Variants in IGSF9B observed in about 807,000 individuals in gnomAD.
IGSF9B encodes immunoglobulin superfamily member 9B.
A neutral mutation model predicts 143.7 loss-of-function variants in IGSF9B; 48 were observed. That is an observed-to-expected ratio of 0.33 (90% CI 0.26 to 0.42). The LOEUF is 0.42. IGSF9B is among the 20% of genes least tolerant of loss of function. IGSF9B has a pLI of 1.00. For synonymous variants in IGSF9B, 903 were observed against 833.1 expected (o/e 1.08, Z -1.44); for missense variants, 1,706 against 1,980.0 (o/e 0.86, Z 2.63).
Position 133,925,724 on chromosome 11 carries a change from G to T in IGSF9B, c.2034+15C>A, listed in dbSNP as rs1591714656. ...GGATTTGGGAAGCAGCAGCAAGGAA[G>T]AGCAAAGCCCTCACCTGTGACAGAT... On this transcript the variant is annotated intron_variant, in intron 14 of 19. Transcript: ENST00000533871. 6 of 1,606,272 alleles carry T rather than the reference G, an allele frequency of 3.7e-6. No individual in the cohort carries two copies. The East Asian group carries it at 1.3e-4, about 36-fold the overall frequency.
chr11:133,896,556 G>A lies in IGSF9B; in HGVS notation c.*12513C>T, dbSNP rs144345772. On this transcript the variant is annotated 3_prime_UTR_variant, in exon 20 of 20. Coordinates refer to ENST00000533871, the MANE Select transcript of IGSF9B (RefSeq NM_001277285.4). ...CATCAGTTTAACTTGCAACACTCCC[G>A]GGGTACCTGCACTGGCTGCACATCT... The A allele has an allele frequency of 3.3e-5, 5 of 152,276 alleles. No homozygotes were observed. Among genetic ancestry groups the A allele is most frequent in the South Asian group, 4.1e-4 (2 of 4,826 alleles). 9.4% of individuals were successfully genotyped at this position (152,276 alleles called of 1,614,324 possible).
Position 133,922,828 on chromosome 11 carries a change from AACAG to A in IGSF9B, c.2120-102_2120-99del, listed in dbSNP as rs1303633558. 2.6e-5 allele frequency: 31 copies of A among 1,201,678 alleles called. No individual in the cohort carries two copies. The East Asian group carries it at 4.4e-4, about 17-fold the overall frequency. 74.4% of individuals were successfully genotyped at this position (1,201,678 alleles called of 1,614,324 possible). ...CAAGTGTTTCACCCTGCCTTTGTAG[AACAG>A]ACAGTGTCAAGGCTCGGGCTCCAAG... On this transcript the variant is annotated intron_variant, in intron 15 of 19. Transcript: ENST00000533871.
intron 15 of IGSF9B, among the ~76,000 whole-genome samples, chr11:133,922,945 G>A (rs982075974): frequency 2.0e-5 from 3 of 152,232 alleles, no homozygotes; most frequent in African/African-American, 7.2e-5. Flanking sequence ...TCCAAAGGGT[G>A]TAAAGAAGAA....
At position 133,899,198 on chromosome 11, in the gene IGSF9B, A is replaced by G. The variant is rs1461084880; in HGVS notation, c.*9871T>C. On this transcript the variant is annotated 3_prime_UTR_variant, in exon 20 of 20. Coordinates refer to ENST00000533871, the MANE Select transcript of IGSF9B (RefSeq NM_001277285.4). ...AAGGAACGTGTCCCAAGCATGGGGA[A>G]GAGCTCAGGCTCCTGGCAGTGGCTG... is the stretch of plus-strand genomic sequence containing the variant. The G allele has an allele frequency of 6.6e-6, 1 of 152,296 alleles. No individual in the cohort carries two copies. The highest frequency in any genetic ancestry group is 1.5e-5 in the Non-Finnish European group (1 of 68,056). The allele number at this position is 152,296 out of a possible 1,614,324, so 9.4% of individuals were successfully genotyped here. A position where few individuals can be genotyped will look rare whatever the true frequency, so the allele number is the denominator to read the frequency against.
At position 133,906,317 on chromosome 11, in the gene IGSF9B, C is replaced by T. The variant is rs1360524123; in HGVS notation, c.*2752G>A. On this transcript the variant is annotated 3_prime_UTR_variant, in exon 20 of 20. Transcript: ENST00000533871. ...CACCCTCTATCCACGGAGGGAACTG[C>T]GTTCCACCAATCCCATCGCCGTCCA... Among the ~76,000 whole-genome samples, 3 of 152,224 alleles carry T rather than the reference C, an allele frequency of 2.0e-5. No homozygotes were observed. Among genetic ancestry groups the T allele is most frequent in the Admixed American group, 1.3e-4 (2 of 15,290 alleles).
chr11:133,924,029 C>T (rs1316719770), intron 15 of IGSF9B, among the ~76,000 whole-genome samples: 1 of 152,200 alleles, frequency 6.6e-6, no homozygotes, highest in East Asian at 1.9e-4. Flanking sequence ...ACACCTGCCC[C>T]TGCTCTCGTG....
In IGSF9B at chr11:133,902,481, A is replaced by AAC. The variant is rs955882153; in HGVS notation, c.*6586_*6587dup. 2.9e-4 allele frequency among the ~76,000 whole-genome samples: 19 copies of AAC among 65,464 alleles called. No individual in the cohort carries two copies. Among genetic ancestry groups the AAC allele is most frequent in the East Asian group, 7.3e-4 (1 of 1,372 alleles). The allele number at this position is 65,464 out of a possible 152,430, so 42.9% of individuals were successfully genotyped here. On this transcript the variant is annotated 3_prime_UTR_variant, in exon 20 of 20. Transcript: ENST00000533871. ...ACACACAGATACACACACCACACAC[A>AAC]ACACACACACACACCAGACATGCAC...
chr11:133,931,444 C>T lies in IGSF9B; in HGVS notation c.1368+9G>A. 6.3e-7 allele frequency: 1 copy of T among 1,598,686 alleles called. No homozygotes were observed. The highest frequency in any genetic ancestry group is 8.6e-7 in the Non-Finnish European group (1 of 1,167,120). On this transcript the variant is annotated intron_variant, in intron 10 of 19. Coordinates refer to ENST00000533871, the MANE Select transcript of IGSF9B (RefSeq NM_001277285.4). This position sits in a 1 kb window ranked among gnomAD's most constrained non-coding sequence, Gnocchi z 7.7. ...TCCCTGCAGACCCAGGGCTCCAGGG[C>T]CCAGGTACCTTTCTCCAAGTGATGA...
intron 19 of IGSF9B, among the ~76,000 whole-genome samples, chr11:133,911,680 T>G (rs1263559668): frequency 6.6e-6 from 1 of 152,186 alleles, no homozygotes. Context: ...GTTTTGTATA[T>G]GAAAATTATG....
At chr11:133,911,680 T>A (rs1263559668) in intron 19 of IGSF9B, among the ~76,000 whole-genome samples, 1 of 152,186 alleles carries the variant, frequency 6.6e-6, no homozygotes, top group East Asian at 1.9e-4. Flanking sequence ...GTTTTGTATA[T>A]GAAAATTATG....
chr11:133,899,041 C>T lies in IGSF9B; in HGVS notation c.*10028G>A, dbSNP rs1220710122. ...GATCCATGGGAGAGTGATTCTCACACATCTCCCTATTCCCGACTCTTGCTC... is the reference window on the plus strand; with the variant it reads ...GATCCATGGGAGAGTGATTCTCACATATCTCCCTATTCCCGACTCTTGCTC... On this transcript the variant is annotated 3_prime_UTR_variant, in exon 20 of 20. Transcript: ENST00000533871. The T allele has an allele frequency of 6.6e-6, 1 of 152,258 alleles. No homozygotes were observed. The highest frequency in any genetic ancestry group is 1.5e-5 in the Non-Finnish European group (1 of 68,062). 9.4% of individuals were successfully genotyped at this position (152,258 alleles called of 1,614,324 possible). A position where few individuals can be genotyped will look rare whatever the true frequency, so the allele number is the denominator to read the frequency against.
intron 1 of IGSF9B, among the ~76,000 whole-genome samples, chr11:133,949,523 GA>G (rs1452906086): frequency 1.3e-5 from 2 of 152,162 alleles, no homozygotes; most frequent in African/African-American, 4.8e-5. Context: ...AATACAGGGG[GA>G]AACCAAACCC....
Position 133,913,916 on chromosome 11 carries a change from A to G in IGSF9B, c.3984-1909T>C, listed in dbSNP as rs1939338763. ...GCCGGCCTCTTCAGGAGGACCACAC[A>G]GGGTGAGCGACGTGTGGTCAGGGAG... On this transcript the variant is annotated intron_variant, in intron 18 of 19. Transcript: ENST00000533871. The surrounding 1 kb of genome is among the most constrained non-coding windows in gnomAD (Gnocchi z 4.6). 6.6e-6 allele frequency among the ~76,000 whole-genome samples: 1 copy of G among 152,174 alleles called. No individual in the cohort carries two copies. The highest frequency in any genetic ancestry group is 2.4e-5 in the African/African-American group (1 of 41,444).
chr11:133,927,190 TG>T (rs1939643848), intron 12 of IGSF9B, 99 bp from the exon 13 acceptor site: 2 of 971,098 alleles, frequency 2.1e-6, no homozygotes, highest in Non-Finnish European at 3.1e-6. Context: ...AAGGCACTGG[TG>T]GGCCTGGCGT....
Position 133,931,574 on chromosome 11 carries a change from G to A in IGSF9B, c.1252-5C>T. ...CACCGTGAAATAGGGGGGGTCCTGGGGAGGAAAGCACAGGCACCCTCGTGA... is the reference window on the plus strand; with the variant it reads ...CACCGTGAAATAGGGGGGGTCCTGGAGAGGAAAGCACAGGCACCCTCGTGA... On this transcript the variant is annotated splice_polypyrimidine_tract_variant and splice_region_variant and intron_variant, in intron 9 of 19. Transcript: ENST00000533871. The surrounding 1 kb of genome is among the most constrained non-coding windows in gnomAD (Gnocchi z 7.7). 1.2e-6 allele frequency: 2 copies of A among 1,613,140 alleles called. No homozygotes were observed. The highest frequency in any genetic ancestry group is 1.7e-6 in the Non-Finnish European group (2 of 1,179,676).
At chr11:133,918,607 C>T (rs1486484100) in intron 18 of IGSF9B, among the ~76,000 whole-genome samples, 2 of 148,862 alleles carry the variant, frequency 1.3e-5, no homozygotes, top group Non-Finnish European at 3.0e-5. Flanking sequence ...GAGCAGCCCG[C>T]GGTGGGGCTG....
Position 133,929,734 on chromosome 11 carries a change from G to A in IGSF9B, c.1568C>T (p.Thr523Ile), listed in dbSNP as rs1366400719. Residue 523 changes from threonine (T) to isoleucine (I), a missense_variant, in exon 12 of 20, where the codon ACA becomes ATA. This residue lies in a region of IGSF9B where 267 missense variants were observed against 321.1 expected (regional missense o/e 0.83). Transcript: ENST00000533871. ...TGGTTCCCAGGACACGTTGGCAGTT[G>A]TCATGGAGACCTGGACCCGGACACT... is the stretch of plus-strand genomic sequence containing the variant. Reference protein sequence around the residue: ...PGSVRVQVSMTTANVSWEPGY... With the variant: ...PGSVRVQVSMITANVSWEPGY... 6.2e-7 allele frequency: 1 copy of A among 1,613,986 alleles called. No individual in the cohort carries two copies. Among genetic ancestry groups the A allele is most frequent in the Non-Finnish European group, 8.5e-7 (1 of 1,179,874 alleles).
In IGSF9B at chr11:133,908,998, A is replaced by AC; in HGVS notation, c.*70dup. ...GCCCTTGGCAGACGGAGGAGGACAC[A>AC]CCCCCACACAGTGGCCCTCCCTGCC... On this transcript the variant is annotated 3_prime_UTR_variant, in exon 20 of 20. Coordinates refer to ENST00000533871, the MANE Select transcript of IGSF9B (RefSeq NM_001277285.4). 1 of 1,303,228 alleles carries AC rather than the reference A, an allele frequency of 7.7e-7. No individual in the cohort carries two copies. The highest frequency in any genetic ancestry group is 1.5e-5 in the African/African-American group (1 of 68,102). 80.7% of individuals were successfully genotyped at this position (1,303,228 alleles called of 1,614,324 possible).
chr11:133,948,049 ATGTGTGCGTG>A lies in IGSF9B; in HGVS notation c.65-1801_65-1792del, dbSNP rs1383980649. Among the ~76,000 whole-genome samples the A allele has an allele frequency of 1.8e-5, 2 of 113,596 alleles. No individual in the cohort carries two copies. The highest frequency in any genetic ancestry group is 3.4e-5 in the Non-Finnish European group (2 of 58,456). The allele number at this position is 113,596 out of a possible 152,430, so 74.5% of individuals were successfully genotyped here. A position where few individuals can be genotyped will look rare whatever the true frequency, so the allele number is the denominator to read the frequency against. ...TCTCTCCCTGTTTCTGTCTACCAGC[ATGTGTGCGTG>A]TGTGTGTGTGTGTGTGTGTGTGTGT... On this transcript the variant is annotated intron_variant, in intron 1 of 19. Transcript: ENST00000533871. This position sits in a 1 kb window ranked among gnomAD's most constrained non-coding sequence, Gnocchi z 4.7.
Sources: gnomAD v4.1 joint callset for allele counts (sites outside exome capture counted in the v4.1 genomes callset) on GRCh38, gnomAD v4.1.1 for gene constraint, gnomAD v4.1.1 regional missense constraint, Gnocchi (gnomAD v3.1) non-coding constraint, MANE v1.5 for transcripts, NCBI Gene and HGNC (gene_info 2026-07-23, HGNC 2026-07-21) for gene names.